ETNPPL: variants seen among roughly 807,000 people sequenced by gnomAD.
ETNPPL encodes the protein ethanolamine-phosphate phospho-lyase, also known as alanine--glyoxylate aminotransferase 2-like 1.
Under a neutral mutation model 55.5 loss-of-function variants are expected in ETNPPL, and 30 were observed. The ratio of observed to expected loss-of-function variants is 0.54; its 90% CI spans 0.40 to 0.73. The LOEUF (loss-of-function observed/expected upper bound fraction) is 0.73. Among genes scored for constraint, ETNPPL ranks in the 30% least tolerant of loss-of-function variants. The pLI is 0.00. For synonymous variants in ETNPPL, 202 were observed against 207.2 expected, an observed-to-expected ratio of 0.98 and a Z score of 0.21; for missense variants, 528 against 607.9, an observed-to-expected ratio of 0.87 and a Z score of 1.38.
At chr4:108,743,438 G>C (rs2125668828) in intron 12 of ETNPPL, among the ~76,000 whole-genome samples, 1 of 152,338 alleles carries the variant, frequency 6.6e-6, no homozygotes, top group Non-Finnish European at 1.5e-5. Flanking sequence ...AAGTCAGTGT[G>C]TGAGAATCGG....
intron 8 of ETNPPL, 92 bp downstream of exon 8, chr4:108,749,146 T>G: frequency 1.1e-6 from 1 of 940,248 alleles, no homozygotes; most frequent in Non-Finnish European, 1.6e-6. Flanking sequence ...TAGCCGGCAA[T>G]ACTGAGCTTT....
chr4:108,746,925 C>T (rs1728536476), intron 9 of ETNPPL, 74 bp from the exon 10 acceptor site: 2 of 887,692 alleles, frequency 2.3e-6, no homozygotes, highest in Non-Finnish European at 1.8e-6. Flanking sequence ...AACACTATCA[C>T]CAAACTTCCA....
At chr4:108,758,323 A>ATATC (rs1338738278) in intron 3 of ETNPPL, among the ~76,000 whole-genome samples, 1 of 152,192 alleles carries the variant, frequency 6.6e-6, no homozygotes, top group Non-Finnish European at 1.5e-5. Flanking sequence ...TTTCTACTAT[A>ATATC]TATCTATAAA....
In ETNPPL at chr4:108,744,118, G is replaced by A. The variant is rs374242914; in HGVS notation, c.1304-262C>T. 1.1e-4 allele frequency among the ~76,000 whole-genome samples: 17 copies of A among 152,164 alleles called. No homozygotes were observed. The East Asian group carries it at 1.2e-3, about 10-fold the overall frequency. ...TTTACTAAAAATACAAAAATTAGCC[G>A]GATGTGGTGGCACATGCCTGTAGTC... On this transcript the variant is annotated intron_variant, in intron 11 of 12. Coordinates refer to ENST00000296486, the MANE Select transcript of ETNPPL (RefSeq NM_031279.4).
rs189047532 is a variant in ETNPPL, at chr4:108,755,153, G to A, written c.411-443C>T. On this transcript the variant is annotated intron_variant, in intron 4 of 12. Transcript: ENST00000296486. ...ATAGAATGGGCATCTGTTTCTGTTCGGGATGATTTCTAAAGCATGTCCACT... is the reference window on the plus strand; with the variant it reads ...ATAGAATGGGCATCTGTTTCTGTTCAGGATGATTTCTAAAGCATGTCCACT... Among the ~76,000 whole-genome samples the A allele has an allele frequency of 7.9e-5, 12 of 152,170 alleles. No homozygotes were observed. The South Asian group carries it at 8.3e-4, about 11-fold the overall frequency.
In ETNPPL at chr4:108,762,945, C is replaced by T. The variant is rs1197011306; in HGVS notation, c.-47G>A. 4.4e-6 allele frequency: 7 copies of T among 1,581,308 alleles called. No homozygotes were observed. Among genetic ancestry groups the T allele is most frequent in the Non-Finnish European group, 5.2e-6 (6 of 1,152,518 alleles). The stretch of plus-strand genomic sequence containing the variant: ...GCGAAGGTGCAAGGTGCAAGGTCTG[C>T]GCGCCTCCTACGCGAGCCTGGGACT... On this transcript the variant is annotated 5_prime_UTR_variant, in exon 1 of 13. Transcript: ENST00000296486.
Position 108,754,662 on chromosome 4 carries a change from C to T in ETNPPL, c.459G>A (p.Lys153=), listed in dbSNP as rs143773873. 1,930 of 1,600,910 alleles carry T rather than the reference C, an allele frequency of 1.2e-3. 1 individual carries two copies. The highest frequency in any genetic ancestry group is 1.6e-3 in the Non-Finnish European group (1,844 of 1,169,768). ...TTTTGACATCTTTTCCTTTCTGAAA[C>T]TTATATGGGCTAATCTCAATTAAGG... ...LSSLIEISPY[K]FQKGKDVKKE... is the part of the protein sequence containing the mutation. Residue 153 remains lysine, a synonymous_variant, in exon 5 of 13, where the codon AAG becomes AAA. Transcript: ENST00000296486.
At chr4:108,758,028 C>T (rs1264274132) in intron 3 of ETNPPL, among the ~76,000 whole-genome samples, 24 of 117,892 alleles carry the variant, frequency 2.0e-4, no homozygotes, top group African/African-American at 7.7e-4. Context: ...TTTTTTTTGA[C>T]GGAGTCTCAC....
At chr4:108,746,925 C>A in intron 9 of ETNPPL, 74 bp from the exon 10 acceptor site, 1 of 887,692 alleles carries the variant, frequency 1.1e-6, no homozygotes, top group Non-Finnish European at 1.8e-6. Flanking sequence ...AACACTATCA[C>A]CAAACTTCCA....
intron 7 of ETNPPL, among the ~76,000 whole-genome samples, chr4:108,750,494 C>CTGTGTGTG (rs1397026481): frequency 5.9e-5 from 4 of 67,466 alleles, no homozygotes; most frequent in African/African-American, 2.0e-4. Context: ...CTTAATACCG[C>CTGTGTGTG]CGTGTGTGTG....
Position 108,760,275 on chromosome 4 carries a change from G to A in ETNPPL, c.88C>T (p.Pro30Ser). The change falls in exon 2 of 13, where the codon CCC (proline) becomes TCC (serine). Residue 30 changes from proline to serine, a missense_variant. Transcript: ENST00000296486. Reference protein sequence around the residue: ...PSCKVFFASDPIKIVRAQRQY... With the variant: ...PSCKVFFASDSIKIVRAQRQY... ...CTCTGGGCTCTCACTATTTTGATGG[G>A]ATCCGATGCAAAGAAAACTTTGCAT... The A allele has an allele frequency of 6.2e-7, 1 of 1,610,678 alleles. No homozygotes were observed. Among genetic ancestry groups the A allele is most frequent in the South Asian group, 1.1e-5 (1 of 90,654 alleles).
intron 5 of ETNPPL, among the ~76,000 whole-genome samples, chr4:108,754,364 A>C (rs2125678794): frequency 6.6e-6 from 1 of 152,334 alleles, no homozygotes; most frequent in East Asian, 1.9e-4. Flanking sequence ...TTAAGGAGCA[A>C]GAAAAATAAA....
intron 11 of ETNPPL, among the ~76,000 whole-genome samples, chr4:108,746,160 C>CA (rs1427106784): frequency 6.6e-6 from 1 of 152,082 alleles, no homozygotes; most frequent in African/African-American, 2.4e-5. Context: ...GTTCTTTCAG[C>CA]AAAAACTTAT....
At chr4:108,759,990 G>A (rs1017314010) in intron 2 of ETNPPL, 82 bp from the exon 3 acceptor site, 1 of 1,397,774 alleles carries the variant, frequency 7.2e-7, no homozygotes, top group Admixed American at 2.0e-5. Context: ...AAGCAAGCAA[G>A]CAAGCAAACA....
In ETNPPL at chr4:108,746,497, T is replaced by C. The variant is rs369757193; in HGVS notation, c.1205A>G (p.Asp402Gly). 36 of 1,613,406 alleles carry C rather than the reference T, an allele frequency of 2.2e-5. No homozygotes were observed. The African/African-American group carries it at 4.3e-4, about 19-fold the overall frequency. ...TTTAAGTACATTTCTATGAGGTCCA[T>C]CGGCACTGAGAAGCACTCGTTTTTC... Reference protein sequence around the residue: ...MKEKRVLLSADGPHRNVLKIK... With the variant: ...MKEKRVLLSAGGPHRNVLKIK... Residue 402 changes from aspartate (D) to glycine (G), a missense_variant, in exon 11 of 13, where the codon GAT becomes GGT. Transcript: ENST00000296486.
chr4:108,749,518 A>T lies in ETNPPL; in HGVS notation c.702-55T>A. ...TCAGGTCACTGAGATCCCCAAACCC[A>T]CCCACAAAGATGCAAATTATTGAAG... On this transcript the variant is annotated intron_variant, in intron 7 of 12. Coordinates refer to ENST00000296486, the MANE Select transcript of ETNPPL (RefSeq NM_031279.4). The T allele has an allele frequency of 2.3e-6, 3 of 1,277,466 alleles. No individual in the cohort carries two copies. The South Asian group carries it at 4.0e-5, about 17-fold the overall frequency. 79.1% of individuals were successfully genotyped at this position (1,277,466 alleles called of 1,614,324 possible).
In ETNPPL at chr4:108,746,526, C is replaced by A; in HGVS notation, c.1176G>T (p.Met392Ile). 1 of 1,611,974 alleles carries A rather than the reference C, an allele frequency of 6.2e-7. No homozygotes were observed. The highest frequency in any genetic ancestry group is 1.1e-5 in the South Asian group (1 of 90,744). Residue 392 changes from methionine to isoleucine, a missense_variant, in exon 11 of 13, where the codon ATG becomes ATT. Transcript: ENST00000296486. The stretch of plus-strand genomic sequence containing the variant: ...CACTGAGAAGCACTCGTTTTTCTTT[C>A]ATCCTAATTTGTGTAGGAAATACAT... ...TAEAQHIIYK[M>I]KEKRVLLSAD...
chr4:108,750,345 A>G (rs986985252), intron 7 of ETNPPL, among the ~76,000 whole-genome samples: 1 of 151,936 alleles, frequency 6.6e-6, no homozygotes, highest in African/African-American at 2.4e-5. Context: ...CCCAGCCTAC[A>G]TCTTTCTCCC....
chr4:108,747,945 T>C (rs1418336168), intron 9 of ETNPPL, 60 bp downstream of exon 9: 3 of 1,433,570 alleles, frequency 2.1e-6, no homozygotes, highest in Non-Finnish European at 2.9e-6. Flanking sequence ...GCCCAGCCTA[T>C]AAACTATTAT....
Sources: allele counts gnomAD v4.1 joint callset (sites outside exome capture counted in the v4.1 genomes callset), GRCh38; gene constraint gnomAD v4.1.1; transcripts MANE v1.5; gene names NCBI Gene and HGNC (gene_info 2026-07-23, HGNC 2026-07-21).